Variants in IMMP2L observed in about 807,000 individuals in gnomAD.
IMMP2L encodes the protein inner mitochondrial membrane peptidase subunit 2.
Under a neutral mutation model 19.3 loss-of-function variants are expected in IMMP2L, and 18 were observed. The observed-to-expected ratio is 0.93, with a 90% CI of 0.64 to 1.38. The LOEUF is 1.38. Among genes scored for constraint, IMMP2L ranks in the 40% most tolerant of loss-of-function variants. IMMP2L has a pLI of 0.00. For missense variants in IMMP2L, 233 were observed against 218.2 expected, an observed-to-expected ratio of 1.07 and a Z score of -0.43; for synonymous variants, 76 against 73.0, an observed-to-expected ratio of 1.04 and a Z score of -0.21.
chr7:111,323,549 T>C lies in IMMP2L; in HGVS notation c.239+163689A>G, dbSNP rs539224933. Among the ~76,000 whole-genome samples, 285 of 152,206 alleles carry C rather than the reference T, an allele frequency of 1.9e-3. 1 individual carries two copies. Among genetic ancestry groups the C allele is most frequent in the African/African-American group, 6.6e-3 (275 of 41,554 alleles). On this transcript the variant is annotated intron_variant, in intron 3 of 5. Transcript: ENST00000405709. Reference sequence around the variant, plus strand: ...CACTTTTACACTGTTGGTAGGACTGTAAACTAGTTCAACCATTGTGGAAGT... The same window carrying C: ...CACTTTTACACTGTTGGTAGGACTGCAAACTAGTTCAACCATTGTGGAAGT...
chr7:111,243,351 T>C (rs1449075752), intron 3 of IMMP2L, among the ~76,000 whole-genome samples: 2 of 152,112 alleles, frequency 1.3e-5, no homozygotes, highest in East Asian at 3.8e-4. Context: ...GACAGGAATG[T>C]ACACAGTACT....
chr7:110,776,004 C>T (rs955392462), intron 5 of IMMP2L, among the ~76,000 whole-genome samples: 1 of 151,584 alleles, frequency 6.6e-6, no homozygotes, highest in African/African-American at 2.4e-5. Flanking sequence ...GAGGAAGGAA[C>T]TTATAAACCT....
intron 3 of IMMP2L, among the ~76,000 whole-genome samples, chr7:111,092,425 G>A (rs542687998): frequency 3.3e-5 from 5 of 152,140 alleles, no homozygotes; most frequent in Non-Finnish European, 7.4e-5. Context: ...TTAACAATAT[G>A]TCCTTGTTTC....
At chr7:110,899,846 G>A (rs1811688008) in intron 4 of IMMP2L, among the ~76,000 whole-genome samples, 1 of 152,196 alleles carries the variant, frequency 6.6e-6, no homozygotes, top group Non-Finnish European at 1.5e-5. Context: ...TTTGTGCCTT[G>A]TAGAACTTTG....
At chr7:111,441,454 T>C (rs900551402) in intron 3 of IMMP2L, among the ~76,000 whole-genome samples, 12 of 151,508 alleles carry the variant, frequency 7.9e-5, no homozygotes, top group Non-Finnish European at 5.9e-5. Context: ...TGCAGGTCGG[T>C]GGAGGTGAAG....
intron 1 of IMMP2L, among the ~76,000 whole-genome samples, chr7:111,539,350 A>G (rs559128576): frequency 2.2e-4 from 34 of 152,294 alleles, no homozygotes; most frequent in Middle Eastern, 6.8e-3. Flanking sequence ...TCTTCAATAA[A>G]TCATAACACA....
Position 110,996,295 on chromosome 7 carries a change from G to A in IMMP2L, c.240-32730C>T, listed in dbSNP as rs146103035. Among the ~76,000 whole-genome samples the A allele has an allele frequency of 7.1e-3, 1,077 of 152,214 alleles. 10 individuals are homozygous for A. The highest frequency in any genetic ancestry group is 0.021 in the African/African-American group (857 of 41,532). Reference sequence around the variant, plus strand: ...CAGCAAAGAGTGCTGTAGGCAAATGGGAAAGTGGCCTGTGGAGGGAAAAAC... The same window carrying A: ...CAGCAAAGAGTGCTGTAGGCAAATGAGAAAGTGGCCTGTGGAGGGAAAAAC... On this transcript the variant is annotated intron_variant, in intron 3 of 5. Transcript: ENST00000405709.
chr7:111,405,947 C>T (rs562756010), intron 3 of IMMP2L, among the ~76,000 whole-genome samples: 2 of 152,104 alleles, frequency 1.3e-5, no homozygotes, highest in Non-Finnish European at 2.9e-5. Context: ...CTAGATAGTG[C>T]TTCTGATCCT....
rs1807482308 is a variant in IMMP2L at position 111,179,612 on chromosome 7, G to A, written c.240-216047C>T. ...TTTTTGGAATGGGCAACGAGCATTG[G>A]CTTCAACTTAAAGTCATCAGCTACA... On this transcript the variant is annotated intron_variant, in intron 3 of 5. Transcript: ENST00000405709. Among the ~76,000 whole-genome samples the A allele has an allele frequency of 2.0e-5, 3 of 152,122 alleles. No homozygotes were observed. The South Asian group carries it at 6.2e-4, about 32-fold the overall frequency.
intron 5 of IMMP2L, among the ~76,000 whole-genome samples, chr7:110,700,818 T>A (rs1794232086): frequency 1.3e-5 from 2 of 152,230 alleles, no homozygotes. Flanking sequence ...CAGTATTAAA[T>A]GCTTATTAAT....
At chr7:110,937,180 A>G (rs1017303513) in intron 4 of IMMP2L, among the ~76,000 whole-genome samples, 2 of 152,232 alleles carry the variant, frequency 1.3e-5, no homozygotes, top group Non-Finnish European at 2.9e-5. Context: ...CTGCACACGT[A>G]TCCTAGAAAT....
intron 3 of IMMP2L, among the ~76,000 whole-genome samples, chr7:111,079,332 TGGTC>T (rs1795689234): frequency 6.6e-6 from 1 of 151,868 alleles, no homozygotes; most frequent in South Asian, 2.1e-4. Flanking sequence ...TTAGCCGGGA[TGGTC>T]TCGATCTCCT....
rs1796488366 is a variant in IMMP2L, at chr7:110,734,559, T to G, written c.409-70838A>C. On this transcript the variant is annotated intron_variant, in intron 5 of 5. Coordinates refer to ENST00000405709, the MANE Select transcript of IMMP2L (RefSeq NM_032549.4). ...CTAAAGGGAAGCAGAACTTAAAGGT[T>G]TGGAAAATTCTCAGAAGAAAAAAGC... Among the ~76,000 whole-genome samples the G allele has an allele frequency of 2.6e-5, 4 of 152,196 alleles. No homozygotes were observed. In the South Asian group the frequency reaches 8.3e-4, roughly 32 times the overall value.
chr7:110,988,668 C>T (rs1449646680), intron 3 of IMMP2L, among the ~76,000 whole-genome samples: 4 of 151,810 alleles, frequency 2.6e-5, no homozygotes, highest in African/African-American at 4.8e-5. Flanking sequence ...ATTCTATTTG[C>T]GTGTGCCATT....
At chr7:111,016,817 TA>T (rs1246309489) in intron 3 of IMMP2L, among the ~76,000 whole-genome samples, 1 of 49,430 alleles carries the variant, frequency 2.0e-5, no homozygotes, top group Non-Finnish European at 4.0e-5. Context: ...TACTATATAT[TA>T]TATATAATAT....
At chr7:110,706,576 T>C (rs1397525226) in intron 5 of IMMP2L, among the ~76,000 whole-genome samples, 1 of 152,138 alleles carries the variant, frequency 6.6e-6, no homozygotes, top group Non-Finnish European at 1.5e-5. Context: ...TATCTCACTG[T>C]GGTTTTGATG....
chr7:111,454,139 TG>T (rs1303258606), intron 3 of IMMP2L, among the ~76,000 whole-genome samples: 2 of 152,124 alleles, frequency 1.3e-5, no homozygotes, highest in African/African-American at 4.8e-5. Context: ...TTTTGGTTTT[TG>T]TTTTTTATTA....
At chr7:110,700,664 G>A (rs1421902909) in intron 5 of IMMP2L, among the ~76,000 whole-genome samples, 1 of 152,134 alleles carries the variant, frequency 6.6e-6, no homozygotes, top group Non-Finnish European at 1.5e-5. Flanking sequence ...GTGTTCATGG[G>A]TTTACCTGAA....
chr7:111,039,080 A>G (rs1303502973), intron 3 of IMMP2L, among the ~76,000 whole-genome samples: 1 of 152,180 alleles, frequency 6.6e-6, no homozygotes, highest in Admixed American at 6.5e-5. Context: ...TGATAAGCAC[A>G]ATGTATAGAA....
Sources: allele counts gnomAD v4.1 joint callset (sites outside exome capture counted in the v4.1 genomes callset), GRCh38; gene constraint gnomAD v4.1.1; transcripts MANE v1.5; gene names NCBI Gene and HGNC (gene_info 2026-07-23, HGNC 2026-07-21).